Variants in GPAM observed in about 807,000 individuals in gnomAD.
The protein encoded by GPAM is glycerol-3-phosphate acyltransferase, mitochondrial.
Under a neutral mutation model 105.0 loss-of-function variants are expected in GPAM, and 56 were observed. That is an observed-to-expected ratio of 0.53 (90% CI 0.43 to 0.67). GPAM has a LOEUF of 0.67. GPAM is among the 30% of genes least tolerant of loss of function. The pLI is 0.00. For missense variants in GPAM, 855 were observed against 989.8 expected (o/e 0.86, Z 1.83); for synonymous variants, 368 against 354.4 (o/e 1.04, Z -0.43).
intron 1 of GPAM, among the ~76,000 whole-genome samples, chr10:112,211,182 A>G (rs1339339617): frequency 2.0e-5 from 3 of 152,084 alleles, no homozygotes; most frequent in African/African-American, 4.8e-5. Context: ...GAGAATGGGG[A>G]TTCTAGAAGA....
Position 112,151,116 on chromosome 10 carries a change from T to G in GPAM, c.*2434A>C, listed in dbSNP as rs1258628916. On this transcript the variant is annotated 3_prime_UTR_variant, in exon 22 of 22. Transcript: ENST00000348367. ...CAGTTTCATGTTGTTTAATATTGTTTTTTTTTTTTAACTTGACCACAGTCT... is the reference window on the plus strand; with the variant it reads ...CAGTTTCATGTTGTTTAATATTGTTGTTTTTTTTTAACTTGACCACAGTCT... The G allele has an allele frequency of 4.1e-6, 4 of 983,570 alleles. No individual in the cohort carries two copies. Among genetic ancestry groups the G allele is most frequent in the Non-Finnish European group, 4.8e-6 (4 of 828,070 alleles). 60.9% of individuals were successfully genotyped at this position (983,570 alleles called of 1,614,324 possible).
chr10:112,202,541 A>G (rs1564690361), intron 1 of GPAM, among the ~76,000 whole-genome samples: 2 of 152,362 alleles, frequency 1.3e-5, no homozygotes, highest in African/African-American at 4.8e-5. Flanking sequence ...TTTTGACTGA[A>G]TTATAACCAT....
chr10:112,199,161 G>A (rs529221270), intron 1 of GPAM, among the ~76,000 whole-genome samples: 1 of 150,914 alleles, frequency 6.6e-6, no homozygotes, highest in South Asian at 2.1e-4. Context: ...TCACCATGTT[G>A]CCCAGGCTGG....
chr10:112,155,344 A>C (rs74156588), intron 20 of GPAM: 2,370 of 170,524 alleles, frequency 0.014, 57 homozygotes, highest in African/African-American at 0.055. Context: ...TGAAACACAC[A>C]CTGTTGTGGG....
chr10:112,167,126 T>C lies in GPAM; in HGVS notation c.1108-611A>G, dbSNP rs1056133837. On this transcript the variant is annotated intron_variant, in intron 11 of 21. Transcript: ENST00000348367. Reference sequence around the variant, plus strand: ...GATTCATAGAACACAAGGAGAAGAGTGTCATACAGATCATATCACTTAATT... The same window carrying C: ...GATTCATAGAACACAAGGAGAAGAGCGTCATACAGATCATATCACTTAATT... 4.6e-5 allele frequency among the ~76,000 whole-genome samples: 7 copies of C among 151,754 alleles called. No homozygotes were observed. The South Asian group carries it at 8.3e-4, about 18-fold the overall frequency.
At position 112,160,983 on chromosome 10, in the gene GPAM, G is replaced by A. The variant is rs1847113595; in HGVS notation, c.1495-115C>T. On this transcript the variant is annotated intron_variant, in intron 15 of 21. Coordinates refer to ENST00000348367, the MANE Select transcript of GPAM (RefSeq NM_001244949.2). The stretch of plus-strand genomic sequence containing the variant: ...TTGGCTTTCCTGCAGCTCACTGCTA[G>A]CACATAGAGAAGTAGGGCCAGAACA... 3 of 854,622 alleles carry A rather than the reference G, an allele frequency of 3.5e-6. No individual in the cohort carries two copies. The Admixed American group carries it at 5.8e-5, about 16-fold the overall frequency. 52.9% of individuals were successfully genotyped at this position (854,622 alleles called of 1,614,324 possible).
upstream of GPAM, among the ~76,000 whole-genome samples, chr10:112,217,823 C>T (rs997190653): frequency 3.9e-5 from 6 of 152,308 alleles, no homozygotes; most frequent in Admixed American, 3.9e-4. Context: ...AGAATGAAGT[C>T]CTGTGATCTT....
In GPAM at chr10:112,152,207, G is replaced by C. The variant is rs1846931786; in HGVS notation, c.*1343C>G. On this transcript the variant is annotated 3_prime_UTR_variant, in exon 22 of 22. Coordinates refer to ENST00000348367, the MANE Select transcript of GPAM (RefSeq NM_001244949.2). ...AAAATTCTTAATTCCATAATATCTT[G>C]GAGATAAGCAACAGTAAACTGTTAG... The C allele has an allele frequency of 6.2e-6, 6 of 975,362 alleles. No homozygotes were observed. In the South Asian group the frequency reaches 2.8e-4, roughly 46 times the overall value. 60.4% of individuals were successfully genotyped at this position (975,362 alleles called of 1,614,324 possible). A position where few individuals can be genotyped will look rare whatever the true frequency, so the allele number is the denominator to read the frequency against.
intron 6 of GPAM, among the ~76,000 whole-genome samples, 184 bp from the exon 7 acceptor site, chr10:112,174,029 T>C (rs1041894722): frequency 6.6e-6 from 1 of 152,190 alleles, no homozygotes; most frequent in South Asian, 2.1e-4. Context: ...ATATTAAGAA[T>C]ACTATATTCC....
At position 112,197,256 on chromosome 10, in the gene GPAM, T is replaced by A. The variant is rs551085037; in HGVS notation, n.211-14365A>T. Among the ~76,000 whole-genome samples the A allele has an allele frequency of 1.2e-4, 19 of 152,324 alleles. No individual in the cohort carries two copies. The South Asian group carries it at 3.9e-3, about 32-fold the overall frequency. On this transcript the variant is annotated intron_variant and non_coding_transcript_variant, in intron 1 of 3. Transcript: ENST00000480130. ...AGATAAAGTTTCATTGACTTTAAGC[T>A]CCACAATGTTGTGGCATGCCTTAGG...
upstream of GPAM, among the ~76,000 whole-genome samples, chr10:112,216,075 C>T (rs1031564871): frequency 5.9e-5 from 9 of 152,088 alleles, no homozygotes; most frequent in African/African-American, 2.2e-4. Context: ...CACTGTCAGT[C>T]GCTTCCTGCT....
At chr10:112,208,383 C>T (rs1014226891) in intron 1 of GPAM, among the ~76,000 whole-genome samples, 15 of 152,242 alleles carry the variant, frequency 9.9e-5, no homozygotes, top group East Asian at 7.7e-4. Context: ...CTTTCTGAGA[C>T]GGATAGTTTC....
At chr10:112,227,642 A>G in the GPAM span, among the ~76,000 whole-genome samples, 1,408 of 152,328 alleles carry the variant, frequency 9.2e-3, 29 homozygotes, top group African/African-American at 0.032. Flanking sequence ...AGCTGAAGAC[A>G]CGCACTGAGC....
intron 1 of GPAM, among the ~76,000 whole-genome samples, chr10:112,195,405 GCTTT>G (rs1847711634): frequency 6.6e-6 from 1 of 152,082 alleles, no homozygotes. Flanking sequence ...AGCCACCCTG[GCTTT>G]CTTTCACTTC....
chr10:112,157,487 TC>T, intron 18 of GPAM, 98 bp from the exon 19 acceptor site: 1 of 1,074,194 alleles, frequency 9.3e-7, no homozygotes, highest in Non-Finnish European at 1.4e-6. Flanking sequence ...CTCTGACCCT[TC>T]CTGGCTCTTC....
chr10:112,162,659 G>A (rs1400345060), intron 14 of GPAM, among the ~76,000 whole-genome samples: 2 of 151,976 alleles, frequency 1.3e-5, no homozygotes, highest in East Asian at 3.9e-4. Context: ...TATATGTATA[G>A]CTATTAAAAA....
chr10:112,199,862 G>A (rs993137078), intron 1 of GPAM, among the ~76,000 whole-genome samples: 5 of 152,056 alleles, frequency 3.3e-5, no homozygotes, highest in African/African-American at 1.2e-4. Flanking sequence ...CGCCCCCCAT[G>A]ATTCAATTAT....
Position 112,150,638 on chromosome 10 carries a change from AG to A in GPAM, c.*2911del. On this transcript the variant is annotated 3_prime_UTR_variant, in exon 22 of 22. Transcript: ENST00000348367. ...TTCATAAGTATCCCAAAGGAGAAAA[AG>A]GTCCTGGTGTCAAAATAGTTTGGGC... 5.5e-6 allele frequency: 5 copies of A among 907,446 alleles called. No individual in the cohort carries two copies. The highest frequency in any genetic ancestry group is 6.6e-6 in the Non-Finnish European group (5 of 758,800). The allele number at this position is 907,446 out of a possible 1,614,324, so 56.2% of individuals were successfully genotyped here. A position where few individuals can be genotyped will look rare whatever the true frequency, so the allele number is the denominator to read the frequency against.
intron 1 of GPAM, among the ~76,000 whole-genome samples, chr10:112,212,382 C>T (rs1564692542): frequency 6.6e-6 from 1 of 152,124 alleles, no homozygotes. Flanking sequence ...CCTGCCTCAG[C>T]CTCCCGAGTA....
Sources: gnomAD v4.1 joint callset for allele counts (sites outside exome capture counted in the v4.1 genomes callset) on GRCh38, gnomAD v4.1.1 for gene constraint, MANE v1.5 for transcripts, NCBI Gene and HGNC (gene_info 2026-07-23, HGNC 2026-07-21) for gene names.